The following MPP3 variants were observed in gnomAD, a reference collection of about 807,000 sequenced individuals.
MPP3 encodes MAGUK p55 scaffold protein 3.
MPP3 carries 48 observed loss-of-function variants against 80.7 expected under a neutral mutation model. The ratio of observed to expected loss-of-function variants is 0.59; its 90% CI spans 0.47 to 0.76. The LOEUF is 0.76. Among genes scored for constraint, MPP3 ranks in the 30% least tolerant of loss-of-function variants. The pLI is 0.00. For missense variants in MPP3, 620 were observed against 763.0 expected, an observed-to-expected ratio of 0.81 and a Z score of 2.21; for synonymous variants, 311 against 297.6, an observed-to-expected ratio of 1.04 and a Z score of -0.46.
chr17:43,831,969 A>T, intron 2 of MPP3, 26 bp from the exon 3 acceptor site: 1 of 1,448,500 alleles, frequency 6.9e-7, no homozygotes, highest in South Asian at 1.2e-5. Flanking sequence ...GGAGGTGGGT[A>T]TTGAAGCTCC....
At chr17:43,820,603 A>ACACACACACACACACAC (rs1264169757) in intron 11 of MPP3, among the ~76,000 whole-genome samples, 20 of 127,588 alleles carry the variant, frequency 1.6e-4, no homozygotes, top group South Asian at 1.4e-3. Flanking sequence ...AAAAAAAAAA[A>ACACACACACACACACAC]ATACACACAC....
rs1268796470 is a variant in MPP3 at position 43,801,217 on chromosome 17, C to T, written c.*484G>A. ...CCCGTTTTCTATTACCAGGCAAGCA[C>T]TTCAAAAAAAAGGTTAAGATCAACG... On this transcript the variant is annotated 3_prime_UTR_variant, in exon 20 of 20. Coordinates refer to ENST00000398389, the MANE Select transcript of MPP3 (RefSeq NM_001932.6). 6.5e-6 allele frequency: 1 copy of T among 154,896 alleles called. No individual in the cohort carries two copies. Among genetic ancestry groups the T allele is most frequent in the East Asian group, 1.9e-4 (1 of 5,190 alleles). The allele number at this position is 154,896 out of a possible 1,614,324, so 9.6% of individuals were successfully genotyped here. A position where few individuals can be genotyped will look rare whatever the true frequency, so the allele number is the denominator to read the frequency against.
At chr17:43,820,745 G>C in intron 11 of MPP3, 117 bp downstream of exon 11, 1 of 887,302 alleles carries the variant, frequency 1.1e-6, no homozygotes. Flanking sequence ...TACTTACCTT[G>C]GGGGAACAAT....
At chr17:43,805,055 A>G (rs8065851) in intron 19 of MPP3, among the ~76,000 whole-genome samples, 6,071 of 152,246 alleles carry the variant, frequency 0.04, 401 homozygotes, top group African/African-American at 0.14. Flanking sequence ...TCAGAATGGG[A>G]AAAAATATTT....
intron 8 of MPP3, 152 bp downstream of exon 8, chr17:43,827,599 T>G: frequency 4.4e-6 from 3 of 684,276 alleles, no homozygotes; most frequent in Non-Finnish European, 7.4e-6. Flanking sequence ...GGGAAGGAGA[T>G]GAGAATTCCA....
At chr17:43,830,501 T>C (rs2045913515) in intron 5 of MPP3, among the ~76,000 whole-genome samples, 1 of 152,236 alleles carries the variant, frequency 6.6e-6, no homozygotes, top group African/African-American at 2.4e-5. Flanking sequence ...TGGGCTTATC[T>C]GGCTCTCAGA....
intron 11 of MPP3, among the ~76,000 whole-genome samples, chr17:43,820,639 C>CACACACACACATAT (rs796095687): frequency 2.1e-5 from 3 of 145,312 alleles, no homozygotes; most frequent in Non-Finnish European, 4.5e-5. Flanking sequence ...CACACACACA[C>CACACACACACATAT]ATTAACTTAA....
At chr17:43,823,453 T>C (rs752044142) in intron 10 of MPP3, among the ~76,000 whole-genome samples, 14 of 152,210 alleles carry the variant, frequency 9.2e-5, no homozygotes, top group Non-Finnish European at 2.1e-4. Flanking sequence ...TACAGAATCT[T>C]GGCAAAGCAC....
chr17:43,814,155 A>G (rs375189859), intron 15 of MPP3, 42 bp downstream of exon 15: 2 of 1,608,026 alleles, frequency 1.2e-6, no homozygotes, highest in African/African-American at 1.3e-5. Context: ...TGCTCCAGGG[A>G]GGAAACCAGA....
chr17:43,818,015 C>T (rs1195643111), intron 12 of MPP3, 31 bp downstream of exon 12: 2 of 1,552,624 alleles, frequency 1.3e-6, no homozygotes, highest in Non-Finnish European at 1.7e-6. Context: ...CCGGGCCCTC[C>T]CTGGAGTGCC....
At chr17:43,808,785 A>G (rs966347297) in intron 19 of MPP3, among the ~76,000 whole-genome samples, 171 bp downstream of exon 19, 13 of 146,218 alleles carry the variant, frequency 8.9e-5, no homozygotes, top group African/African-American at 3.7e-4. Context: ...CCTTCTGGCC[A>G]TGTAATCATC....
chr17:43,815,077 T>C (rs999367921), intron 14 of MPP3, among the ~76,000 whole-genome samples: 2 of 152,192 alleles, frequency 1.3e-5, no homozygotes, highest in Non-Finnish European at 2.9e-5. Flanking sequence ...CTCATGCCTG[T>C]ATCCCAGCAC....
At chr17:43,801,980 T>C (rs1423473631) in intron 19 of MPP3, 103 bp from the exon 20 acceptor site, 11 of 1,190,250 alleles carry the variant, frequency 9.2e-6, no homozygotes, top group Non-Finnish European at 1.2e-5. Context: ...TTTTAAGTGA[T>C]GAGTGGATGA....
chr17:43,824,153 T>C, intron 9 of MPP3, 148 bp from the exon 10 acceptor site: 1 of 534,972 alleles, frequency 1.9e-6, no homozygotes, highest in Non-Finnish European at 3.3e-6. Flanking sequence ...GGTGCCCTGG[T>C]TGAATGAACT....
Position 43,818,058 on chromosome 17 carries a change from T to A in MPP3, c.934A>T (p.Arg312Trp). The A allele has an allele frequency of 2.5e-6, 4 of 1,584,308 alleles. No individual in the cohort carries two copies. The highest frequency in any genetic ancestry group is 3.4e-6 in the Non-Finnish European group (4 of 1,164,682). ...AGTLPSPQSL[R>W]KPPYDQPCDK... ...ACAATCTACTCACAGGGGGGCTTCCTGAGGCTCTGGGGGCTCGGCAGGGTG... is the reference window on the plus strand; with the variant it reads ...ACAATCTACTCACAGGGGGGCTTCCAGAGGCTCTGGGGGCTCGGCAGGGTG... Residue 312 changes from arginine to tryptophan, a missense_variant, in exon 12 of 20, where the codon AGG (arginine) becomes TGG (tryptophan). By Grantham distance (101) the Arg-to-Trp change is moderately radical. Coordinates refer to ENST00000398389, the MANE Select transcript of MPP3 (RefSeq NM_001932.6).
intron 5 of MPP3, among the ~76,000 whole-genome samples, chr17:43,830,542 C>T (rs889010649): frequency 6.6e-6 from 1 of 152,162 alleles, no homozygotes; most frequent in Non-Finnish European, 1.5e-5. Flanking sequence ...AATGGGAGCT[C>T]AGAGAGGTTG....
rs765672143 is a variant in MPP3 at position 43,801,892 on chromosome 17, GT to G, written c.1582-16del. The G allele has an allele frequency of 6.8e-6, 11 of 1,606,748 alleles. No homozygotes were observed. The highest frequency in any genetic ancestry group is 1.3e-5 in the African/African-American group (1 of 74,820). ...TGCTGCTCATCCTGCAAGGAAAGGGGTGGTAAAAGGAGCAACTGGGTTGTTC... is the reference window on the plus strand; with the variant it reads ...TGCTGCTCATCCTGCAAGGAAAGGGGGGTAAAAGGAGCAACTGGGTTGTTC... On this transcript the variant is annotated splice_polypyrimidine_tract_variant and intron_variant, in intron 19 of 19. Transcript: ENST00000398389.
intron 16 of MPP3, among the ~76,000 whole-genome samples, chr17:43,813,202 C>T (rs1459398000): frequency 6.6e-6 from 1 of 152,168 alleles, no homozygotes; most frequent in East Asian, 1.9e-4. Flanking sequence ...TGTGCATCCT[C>T]GTTAAGAACA....
rs1476683200 is a variant in MPP3, at chr17:43,816,673, C to T, written c.967+4G>A. The T allele has an allele frequency of 1.9e-6, 3 of 1,575,496 alleles. No individual in the cohort carries two copies. In the African/African-American group the frequency reaches 4.0e-5, roughly 21 times the overall value. ...TGTGGACAGCGGATAGATACTGGGC[C>T]TACCTTTGTCACAAGGCTGATCATC... On this transcript the variant is annotated splice_donor_region_variant and intron_variant, in intron 13 of 19. Transcript: ENST00000398389.
Sources: allele counts gnomAD v4.1 joint callset (sites outside exome capture counted in the v4.1 genomes callset), GRCh38; gene constraint gnomAD v4.1.1; transcripts MANE v1.5; gene names NCBI Gene and HGNC (gene_info 2026-07-23, HGNC 2026-07-21).